Variants in MYLK observed in about 807,000 individuals in gnomAD.
MYLK encodes myosin light chain kinase.
A neutral mutation model predicts 203.4 loss-of-function variants in MYLK; 106 were observed. The observed-to-expected ratio is 0.52, with a 90% CI of 0.45 to 0.61. The LOEUF (loss-of-function observed/expected upper bound fraction) is 0.61. Among genes scored for constraint, MYLK ranks in the 20% least tolerant of loss-of-function variants. The probability of loss-of-function intolerance (pLI) is 0.00; values close to 1 mark genes in which losing one functional copy is unlikely to be tolerated. For missense variants in MYLK, 2,072 were observed against 2,442.3 expected (o/e 0.85, Z 3.20); for synonymous variants, 867 against 959.5 (o/e 0.90, Z 1.78).
intron 5 of MYLK, among the ~76,000 whole-genome samples, chr3:123,741,496 G>A (rs569745343): frequency 2.0e-5 from 3 of 152,276 alleles, no homozygotes; most frequent in Admixed American, 2.0e-4. Context: ...GACTTGTTTT[G>A]AAAGGACCCA....
At chr3:123,839,136 G>A (rs1237020158) in intron 2 of MYLK, among the ~76,000 whole-genome samples, 1 of 151,568 alleles carries the variant, frequency 6.6e-6, no homozygotes, top group Non-Finnish European at 1.5e-5. Flanking sequence ...AAATACAAAG[G>A]CAAGCAGAAA....
chr3:123,879,757 C>CCCGAGTTGCTGGGACTACAG (rs2033402366), intron 1 of MYLK, among the ~76,000 whole-genome samples: 1 of 152,176 alleles, frequency 6.6e-6, no homozygotes, highest in Non-Finnish European at 1.5e-5. Context: ...GCCTCAGCCT[C>CCCGAGTTGCTGGGACTACAG]CCGAGTTGCT....
chr3:123,851,834 G>A (rs1484849876), intron 2 of MYLK, among the ~76,000 whole-genome samples: 1 of 152,104 alleles, frequency 6.6e-6, no homozygotes, highest in Non-Finnish European at 1.5e-5. Context: ...GTTTTCAAAA[G>A]GAATGCTTCC....
chr3:123,765,040 C>T (rs2063658195), intron 4 of MYLK, among the ~76,000 whole-genome samples: 1 of 151,970 alleles, frequency 6.6e-6, no homozygotes, highest in Admixed American at 6.6e-5. Flanking sequence ...TTTAAGGACA[C>T]CATTATTTTT....
chr3:123,819,488 C>A (rs1050716062), intron 3 of MYLK, among the ~76,000 whole-genome samples: 8 of 152,196 alleles, frequency 5.3e-5, no homozygotes, highest in Admixed American at 3.9e-4. Flanking sequence ...TGAGTCTCAT[C>A]TTCTGCCAGC....
At chr3:123,860,847 C>T (rs1442009992) in intron 2 of MYLK, among the ~76,000 whole-genome samples, 1 of 152,134 alleles carries the variant, frequency 6.6e-6, no homozygotes, top group Admixed American at 6.6e-5. Flanking sequence ...TGGTTAGACA[C>T]AGGCCGGGCA....
At chr3:123,746,031 T>A (rs567018869) in intron 5 of MYLK, among the ~76,000 whole-genome samples, 1 of 152,130 alleles carries the variant, frequency 6.6e-6, no homozygotes, top group East Asian at 1.9e-4. Context: ...CTAATTTTTA[T>A]GTTTTTAGTA....
At chr3:123,699,159 CG>C (rs1560090955) in intron 18 of MYLK, among the ~76,000 whole-genome samples, 1 of 151,972 alleles carries the variant, frequency 6.6e-6, no homozygotes, top group Non-Finnish European at 1.5e-5. Context: ...GTGTGGAGGT[CG>C]GCCGGCCTCA....
intron 2 of MYLK, among the ~76,000 whole-genome samples, chr3:123,845,736 C>A (rs1427539454): frequency 2.0e-5 from 3 of 152,262 alleles, no homozygotes; most frequent in Admixed American, 1.3e-4. Context: ...TAACTGCAGG[C>A]TCAGATTCCT....
At chr3:123,764,489 C>T (rs921638665) in intron 4 of MYLK, among the ~76,000 whole-genome samples, 4 of 152,160 alleles carry the variant, frequency 2.6e-5, no homozygotes, top group Admixed American at 6.5e-5. Context: ...GGTACAGCAA[C>T]GAAGTCTGTC....
At chr3:123,717,433 T>C (rs985932009) in intron 13 of MYLK, among the ~76,000 whole-genome samples, 1 of 152,242 alleles carries the variant, frequency 6.6e-6, no homozygotes, top group Non-Finnish European at 1.5e-5. Flanking sequence ...TTTCATCTTT[T>C]TAACCTACCC....
At chr3:123,860,817 G>A (rs1017177849) in intron 2 of MYLK, among the ~76,000 whole-genome samples, 6 of 152,044 alleles carry the variant, frequency 3.9e-5, no homozygotes, top group African/African-American at 1.2e-4. Context: ...ATGCATAGGG[G>A]GCCATATTTA....
At chr3:123,825,818 A>G (rs1056283749) in intron 3 of MYLK, among the ~76,000 whole-genome samples, 2 of 152,336 alleles carry the variant, frequency 1.3e-5, no homozygotes, top group East Asian at 1.9e-4. Flanking sequence ...AACCCCTGCC[A>G]TTGCACTTCC....
intron 3 of MYLK, among the ~76,000 whole-genome samples, chr3:123,800,967 A>C (rs1207423878): frequency 6.6e-6 from 1 of 152,250 alleles, no homozygotes; most frequent in Non-Finnish European, 1.5e-5. Context: ...GGGAAATATT[A>C]ATTCATTTTA....
intron 24 of MYLK, among the ~76,000 whole-genome samples, chr3:123,654,992 A>G (rs1286705105): frequency 6.6e-6 from 1 of 152,182 alleles, no homozygotes; most frequent in Non-Finnish European, 1.5e-5. Context: ...TGCTGGGATT[A>G]CAGGTGTGAG....
intron 1 of MYLK, among the ~76,000 whole-genome samples, chr3:123,877,397 A>G (rs2033221978): frequency 3.3e-5 from 5 of 152,224 alleles, no homozygotes; most frequent in Admixed American, 3.3e-4. Flanking sequence ...GGCTACAGAG[A>G]AGCCACAGTT....
intron 2 of MYLK, among the ~76,000 whole-genome samples, chr3:123,864,768 G>A (rs889673230): frequency 2.0e-5 from 3 of 152,086 alleles, no homozygotes; most frequent in South Asian, 2.1e-4. Context: ...AGCCAGGCAC[G>A]GTGGCATGTG....
chr3:123,791,646 G>A (rs2064787872), intron 4 of MYLK, among the ~76,000 whole-genome samples: 1 of 152,238 alleles, frequency 6.6e-6, no homozygotes, highest in South Asian at 2.1e-4. Flanking sequence ...AAGTGGTCAA[G>A]TAGCGCTGCA....
chr3:123,812,883 T>A (rs2065609805), intron 3 of MYLK, among the ~76,000 whole-genome samples: 1 of 152,146 alleles, frequency 6.6e-6, no homozygotes, highest in Admixed American at 6.6e-5. Flanking sequence ...GCACTCAGGG[T>A]CACACCAATT....
Sources: allele counts gnomAD v4.1 joint callset (sites outside exome capture counted in the v4.1 genomes callset), GRCh38; gene constraint gnomAD v4.1.1; transcripts MANE v1.5; gene names NCBI Gene and HGNC (gene_info 2026-07-23, HGNC 2026-07-21).